Variants in DMD observed in about 807,000 individuals in gnomAD.
The protein encoded by DMD is mutant dystrophin.
Under a neutral mutation model 330.1 loss-of-function variants are expected in DMD, and 63 were observed. The ratio of observed to expected loss-of-function variants is 0.19; its 90% CI spans 0.16 to 0.24. The LOEUF (loss-of-function observed/expected upper bound fraction) is 0.24. Ranked by LOEUF, DMD falls within the 10% of genes least tolerant of loss-of-function variation. The pLI is 1.00. For missense variants in DMD, 3,344 were observed against 2,684.1 expected (o/e 1.25, Z -5.43); for synonymous variants, 1,223 against 959.8 (o/e 1.27, Z -5.07).
intron 1 of DMD, among the ~76,000 whole-genome samples, chrX:33,085,368 C>T (rs950154035): frequency 6.3e-5 from 7 of 111,196 alleles, no homozygotes; most frequent in African/African-American, 2.3e-4. Context: ...TTTACTATAG[C>T]ACTAAGTGCC....
chrX:32,190,185 C>T (rs2096966666), intron 44 of DMD, among the ~76,000 whole-genome samples: 2 of 110,663 alleles, frequency 1.8e-5, no homozygotes, highest in Non-Finnish European at 3.8e-5. Flanking sequence ...GGCAGTCCAC[C>T]ACAACAAAGA....
intron 48 of DMD, among the ~76,000 whole-genome samples, chrX:31,856,966 C>T (rs1185133681): frequency 5.4e-5 from 6 of 112,019 alleles, no homozygotes; most frequent in African/African-American, 1.3e-4. Context: ...TAAAAGTATG[C>T]GCACATGGCT....
intron 45 of DMD, among the ~76,000 whole-genome samples, chrX:31,934,839 C>T (rs2094903730): frequency 8.9e-6 from 1 of 112,313 alleles, no homozygotes; most frequent in Non-Finnish European, 1.9e-5. Context: ...AACTTTTGAA[C>T]TAATAATTAA....
intron 59 of DMD, among the ~76,000 whole-genome samples, chrX:31,457,362 CA>C (rs2066258815): frequency 9.0e-6 from 1 of 111,311 alleles, no homozygotes; most frequent in Non-Finnish European, 1.9e-5. Flanking sequence ...TCATTTATTC[CA>C]AAAACTATTA....
At chrX:31,183,656 G>T (rs749389314) in intron 67 of DMD, among the ~76,000 whole-genome samples, 128 of 110,536 alleles carry the variant, frequency 1.2e-3, no homozygotes, top group African/African-American at 3.9e-3. Context: ...ATTATACCTT[G>T]TTTTTTTCAA....
intron 50 of DMD, among the ~76,000 whole-genome samples, chrX:31,799,167 C>G (rs73461868): frequency 4.6e-4 from 52 of 112,235 alleles, no homozygotes; most frequent in African/African-American, 1.6e-3. Flanking sequence ...TTTCTGCCTT[C>G]CTCATTCATT....
intron 50 of DMD, among the ~76,000 whole-genome samples, chrX:31,780,514 A>T (rs2090956479): frequency 8.9e-6 from 1 of 112,071 alleles, no homozygotes; most frequent in African/African-American, 3.2e-5. Flanking sequence ...CTTCCATCTC[A>T]CTAGTAGATA....
In DMD at chrX:32,287,664, A is replaced by G. The variant is rs753426129; in HGVS notation, c.6155T>C (p.Ile2052Thr). ...TGTCTTCTTGCTATGAATAATGTCA[A>G]TCCGACCTGAGCTTTGTTGTAGACT... ...KDSLQQSSGR[I>T]DIIHSKKTAA... Residue 2052 changes from isoleucine (I) to threonine (T), a missense_variant, in exon 43 of 79, where the codon ATT becomes ACT. Physicochemically the swap from Ile to Thr is moderately conservative, Grantham distance 89 (BLOSUM62 -1). Coordinates refer to ENST00000357033, the MANE Select transcript of DMD (RefSeq NM_004006.3). The G allele has an allele frequency of 2.5e-6, 3 of 1,209,338 alleles. No individual in the cohort carries two copies. Among genetic ancestry groups the G allele is most frequent in the Non-Finnish European group, 3.4e-6 (3 of 893,927 alleles).
rs186271468 is a variant in DMD at position 32,694,856 on chromosome X, A to G, written c.960+3014T>C. 7.6e-4 allele frequency among the ~76,000 whole-genome samples: 84 copies of G among 111,008 alleles called. 1 individual carries two copies. The highest frequency in any genetic ancestry group is 2.6e-3 in the African/African-American group (78 of 30,515). ...TTTTTAGTAGAGATGGGGTTTTACC[A>G]TGTTGGTTCGGTTGGTCTCGAACTC... On this transcript the variant is annotated intron_variant, in intron 9 of 78. Coordinates refer to ENST00000357033, the MANE Select transcript of DMD (RefSeq NM_004006.3).
intron 48 of DMD, among the ~76,000 whole-genome samples, chrX:31,872,296 A>G (rs1319571982): frequency 1.8e-5 from 2 of 111,278 alleles, no homozygotes; most frequent in Non-Finnish European, 3.8e-5. Flanking sequence ...AACTACACAC[A>G]GCAGTGAGTG....
intron 67 of DMD, among the ~76,000 whole-genome samples, chrX:31,197,944 C>T (rs777617072): frequency 4.8e-5 from 5 of 104,488 alleles, no homozygotes; most frequent in Admixed American, 1.1e-4. Flanking sequence ...GCAACATGTA[C>T]GGAACCGGAA....
chrX:32,086,281 A>G (rs1251463705), intron 44 of DMD, among the ~76,000 whole-genome samples: 1 of 111,937 alleles, frequency 8.9e-6, no homozygotes, highest in African/African-American at 3.2e-5. Context: ...TGATACGTGC[A>G]CTTTTTATTG....
intron 2 of DMD, among the ~76,000 whole-genome samples, chrX:32,932,167 C>T (rs2089646270): frequency 1.8e-5 from 2 of 112,026 alleles, no homozygotes; most frequent in Non-Finnish European, 3.8e-5. Context: ...ATTGATATGG[C>T]TACAATAGAA....
intron 60 of DMD, among the ~76,000 whole-genome samples, chrX:31,427,284 T>C (rs969248272): frequency 1.2e-4 from 13 of 111,517 alleles, no homozygotes; most frequent in African/African-American, 4.2e-4. Context: ...TCTTTACCTC[T>C]TGGAACCCTA....
intron 44 of DMD, among the ~76,000 whole-genome samples, chrX:32,151,833 C>CA (rs1465219709): frequency 1.8e-4 from 20 of 111,756 alleles, no homozygotes; most frequent in African/African-American, 6.2e-4. Flanking sequence ...TCCTTGTCTC[C>CA]AGAAAGAAAA....
At chrX:32,309,976 G>T in intron 42 of DMD, 106 bp downstream of exon 42, 1 of 731,399 alleles carries the variant, frequency 1.4e-6, no homozygotes, top group Non-Finnish European at 2.1e-6. Context: ...CCATGTGAAA[G>T]TCAAAATGCC....
intron 44 of DMD, among the ~76,000 whole-genome samples, chrX:31,987,110 ATTTGCT>A (rs746925822): frequency 8.9e-6 from 1 of 112,361 alleles, no homozygotes; most frequent in South Asian, 3.7e-4. Context: ...TTTAATTAAT[ATTTGCT>A]ATTGACCTAT....
chrX:32,982,255 G>C (rs1423939221), intron 2 of DMD, among the ~76,000 whole-genome samples: 2 of 111,400 alleles, frequency 1.8e-5, no homozygotes, highest in African/African-American at 6.5e-5. Flanking sequence ...GTGCAAATTA[G>C]TATAAGCCTT....
chrX:32,539,901 C>A (rs2048339085), intron 17 of DMD, among the ~76,000 whole-genome samples: 1 of 111,522 alleles, frequency 9.0e-6, no homozygotes. Context: ...TGTCTGCTTA[C>A]CCTGGAGGGA....
Sources: gnomAD v4.1 joint callset for allele counts (sites outside exome capture counted in the v4.1 genomes callset) on GRCh38, gnomAD v4.1.1 for gene constraint, MANE v1.5 for transcripts, NCBI Gene and HGNC (gene_info 2026-07-23, HGNC 2026-07-21) for gene names.